PCDHGA1: variants seen among roughly 807,000 people sequenced by gnomAD.
PCDHGA1 encodes protocadherin gamma-A1.
In PCDHGA1, 32 loss-of-function variants were observed where a neutral mutation model predicts 58.0. That is an observed-to-expected ratio of 0.55 (90% CI 0.42 to 0.74). The LOEUF (loss-of-function observed/expected upper bound fraction) is 0.74, where lower values mean the gene tolerates loss of function less well. Among genes scored for constraint, PCDHGA1 ranks in the 30% least tolerant of loss-of-function variants. The pLI is 0.00. For missense variants in PCDHGA1, 1,205 were observed against 1,182.3 expected (o/e 1.02, Z -0.28); for synonymous variants, 498 against 501.1 (o/e 0.99, Z 0.08).
intron 1 of PCDHGA1, chr5:141,376,291 C>G (rs780024608): frequency 6.2e-6 from 10 of 1,614,040 alleles, no homozygotes; most frequent in South Asian, 1.1e-5. Flanking sequence ...CGAGCATGCC[C>G]GGCTCGCACT....
At chr5:141,389,349 A>G in intron 1 of PCDHGA1, 1 of 1,613,980 alleles carries the variant, frequency 6.2e-7, no homozygotes, top group South Asian at 1.1e-5. Context: ...CTCTTACTGC[A>G]TCATGGCCAG....
intron 1 of PCDHGA1, chr5:141,351,524 GA>G: frequency 6.2e-7 from 1 of 1,613,998 alleles, no homozygotes. Context: ...CATAGCCACC[GA>G]CAAGGGCAAA....
chr5:141,390,386 A>C, intron 1 of PCDHGA1: 2 of 1,432,848 alleles, frequency 1.4e-6, no homozygotes, highest in Non-Finnish European at 1.9e-6. Context: ...TTTAGATGTC[A>C]TGGATCATTT....
At chr5:141,344,484 C>G in intron 1 of PCDHGA1, 2 of 1,613,882 alleles carry the variant, frequency 1.2e-6, no homozygotes, top group Non-Finnish European at 1.7e-6. Flanking sequence ...TCCTGGAACC[C>G]GATTTCCAAT....
At chr5:141,473,750 G>C (rs777343462) in intron 1 of PCDHGA1, among the ~76,000 whole-genome samples, 1 of 152,192 alleles carries the variant, frequency 6.6e-6, no homozygotes, top group Non-Finnish European at 1.5e-5. Context: ...TGAGAACTTG[G>C]ATACTATGCA....
chr5:141,495,424 A>G (rs927637242), intron 2 of PCDHGA1, among the ~76,000 whole-genome samples: 2 of 152,088 alleles, frequency 1.3e-5, no homozygotes, highest in Non-Finnish European at 2.9e-5. Flanking sequence ...CCCTCCTCCC[A>G]CTGTCCTCTG....
At position 141,361,753 on chromosome 5, in the gene PCDHGA1, C is replaced by T. The variant is rs867300668; in HGVS notation, c.2421+28648C>T. Reference sequence around the variant, plus strand: ...ACTGCAGGCCCGCGACCAGGGCTCGCCCGCGCTCAGCGCCAACGTGAGCCT... The same window carrying T: ...ACTGCAGGCCCGCGACCAGGGCTCGTCCGCGCTCAGCGCCAACGTGAGCCT... On this transcript the variant is annotated intron_variant, in intron 1 of 3. Transcript: ENST00000517417. 3.7e-6 allele frequency: 6 copies of T among 1,613,058 alleles called. No individual in the cohort carries two copies. The East Asian group carries it at 1.3e-4, about 36-fold the overall frequency.
rs1180919465 is a variant in PCDHGA1 at position 141,410,681 on chromosome 5, G to A, written c.2421+77576G>A. On this transcript the variant is annotated intron_variant, in intron 1 of 3. Coordinates refer to ENST00000517417, the MANE Select transcript of PCDHGA1 (RefSeq NM_018912.3). ...AGTCTACTAGTTTCTCATATTTTAG[G>A]CATACTACTTTATTTTCATATCTAG... The A allele has an allele frequency of 3.9e-6, 6 of 1,535,084 alleles. No homozygotes were observed. The East Asian group carries it at 1.4e-4, about 35-fold the overall frequency.
intron 1 of PCDHGA1, among the ~76,000 whole-genome samples, chr5:141,449,281 G>A (rs1051064124): frequency 6.6e-6 from 1 of 151,946 alleles, no homozygotes; most frequent in Non-Finnish European, 1.5e-5. Context: ...TCCTTCACCC[G>A]GATGCACCGG....
At chr5:141,415,293 C>T in intron 1 of PCDHGA1, 1 of 1,614,192 alleles carries the variant, frequency 6.2e-7, no homozygotes, top group Non-Finnish European at 8.5e-7. Flanking sequence ...CGGTCTCCTG[C>T]GTCTTCCTGG....
chr5:141,489,867 G>C lies in PCDHGA1; in HGVS notation c.2422-4940G>C. ...ATCGTGAAGCCCAGGCAAGACATCA[G>C]CTGGTGCTTACTGCTGTGGATGGGG... On this transcript the variant is annotated intron_variant, in intron 1 of 3. Transcript: ENST00000517417. This position sits in a 1 kb window ranked among gnomAD's most constrained non-coding sequence, Gnocchi z 4.5. 1 of 1,614,240 alleles carries C rather than the reference G, an allele frequency of 6.2e-7. No individual in the cohort carries two copies. Among genetic ancestry groups the C allele is most frequent in the Non-Finnish European group, 8.5e-7 (1 of 1,180,034 alleles).
intron 1 of PCDHGA1, among the ~76,000 whole-genome samples, chr5:141,462,160 A>T (rs575238638): frequency 4.6e-5 from 7 of 152,122 alleles, no homozygotes; most frequent in Non-Finnish European, 1.0e-4. Flanking sequence ...GGGTTTCATC[A>T]TGTTGGCCAG....
chr5:141,332,125 A>G lies in PCDHGA1; in HGVS notation c.1441A>G (p.Ser481Gly). 1 of 1,614,166 alleles carries G rather than the reference A, an allele frequency of 6.2e-7. No individual in the cohort carries two copies. The highest frequency in any genetic ancestry group is 8.5e-7 in the Non-Finnish European group (1 of 1,180,028). The change falls in exon 1 of 4, where the codon AGC (serine) becomes GGC (glycine). Residue 481 changes from serine (S) to glycine (G), a missense_variant. Transcript: ENST00000517417. This position sits in a 1 kb window ranked among gnomAD's most constrained non-coding sequence, Gnocchi z 4.6. ...CTCTGTGAGGGCCCACGACTTGGACAGCAATGAGAATGCACAAATCACTTA... is the reference window on the plus strand; with the variant it reads ...CTCTGTGAGGGCCCACGACTTGGACGGCAATGAGAATGCACAAATCACTTA... ...IFSVRAHDLD[S>G]NENAQITYSL...
At chr5:141,354,565 G>A (rs942106227) in intron 1 of PCDHGA1, among the ~76,000 whole-genome samples, 2 of 152,192 alleles carry the variant, frequency 1.3e-5, no homozygotes, top group African/African-American at 2.4e-5. Context: ...GAGGAAACTT[G>A]TTACTGCATA....
At chr5:141,481,703 C>T (rs909197135) in intron 1 of PCDHGA1, among the ~76,000 whole-genome samples, 1 of 152,090 alleles carries the variant, frequency 6.6e-6, no homozygotes, top group Admixed American at 6.5e-5. Context: ...CCTGTAATCC[C>T]AGCACTTTGG....
chr5:141,419,651 TC>T, intron 1 of PCDHGA1: 28 of 1,612,632 alleles, frequency 1.7e-5, no homozygotes, highest in Non-Finnish European at 2.3e-5. Flanking sequence ...GGACGCGGAC[TC>T]GGGGCACAAT....
At chr5:141,435,383 G>C (rs1057246190) in intron 1 of PCDHGA1, among the ~76,000 whole-genome samples, 4 of 151,898 alleles carry the variant, frequency 2.6e-5, no homozygotes, top group Admixed American at 2.0e-4. Flanking sequence ...ACAATATACC[G>C]TATTGCCATG....
intron 1 of PCDHGA1, chr5:141,355,334 T>C (rs1759804410): frequency 6.2e-7 from 1 of 1,613,854 alleles, no homozygotes; most frequent in Non-Finnish European, 8.5e-7. Flanking sequence ...GGCTCAGTGG[T>C]GGGCAACATC....
intron 1 of PCDHGA1, among the ~76,000 whole-genome samples, chr5:141,447,339 A>T (rs767342137): frequency 6.6e-6 from 1 of 151,770 alleles, no homozygotes; most frequent in Non-Finnish European, 1.5e-5. Flanking sequence ...GGGTTTCATC[A>T]TATTGGTCAG....
Sources: allele counts gnomAD v4.1 joint callset (sites outside exome capture counted in the v4.1 genomes callset), GRCh38; gene constraint gnomAD v4.1.1; non-coding constraint Gnocchi (gnomAD v3.1); transcripts MANE v1.5; gene names NCBI Gene and HGNC (gene_info 2026-07-23, HGNC 2026-07-21).